Variants in ZFPM2 observed in about 807,000 individuals in gnomAD.
ZFPM2 encodes zinc finger protein, FOG family member 2, also known as zinc finger protein ZFPM2.
A neutral mutation model predicts 98.6 loss-of-function variants in ZFPM2; 20 were observed. The ratio of observed to expected loss-of-function variants is 0.20; its 90% CI spans 0.14 to 0.29. The LOEUF is 0.29. ZFPM2 is among the 10% of genes least tolerant of loss of function. The pLI is 1.00. For missense variants in ZFPM2, 1,310 were observed against 1,388.6 expected (o/e 0.94, Z 0.90); for synonymous variants, 518 against 502.7 (o/e 1.03, Z -0.41).
intron 4 of ZFPM2, among the ~76,000 whole-genome samples, chr8:105,626,719 T>G (rs2130826701): frequency 6.6e-6 from 1 of 152,270 alleles, no homozygotes; most frequent in East Asian, 1.9e-4. Flanking sequence ...GCTGAGAGAA[T>G]ATAAACAGCT....
chr8:105,378,057 T>C (rs1385426840), intron 1 of ZFPM2, among the ~76,000 whole-genome samples: 3 of 152,304 alleles, frequency 2.0e-5, no homozygotes. Context: ...TCAATGCATA[T>C]TATATGTCAC....
intron 4 of ZFPM2, among the ~76,000 whole-genome samples, chr8:105,582,890 C>G (rs1485847879): frequency 6.6e-6 from 1 of 152,112 alleles, no homozygotes; most frequent in Non-Finnish European, 1.5e-5. Flanking sequence ...CACCGTGCCC[C>G]TCCTGTTTTC....
At chr8:105,408,850 G>T (rs1361227394) in intron 1 of ZFPM2, among the ~76,000 whole-genome samples, 1 of 151,834 alleles carries the variant, frequency 6.6e-6, no homozygotes, top group African/African-American at 2.4e-5. Context: ...TTCTATCGTT[G>T]CCCTCACTTT....
At chr8:105,758,598 T>C (rs2131067354) in intron 5 of ZFPM2, among the ~76,000 whole-genome samples, 1 of 152,114 alleles carries the variant, frequency 6.6e-6, no homozygotes, top group Non-Finnish European at 1.5e-5. Flanking sequence ...AGTCATTTGA[T>C]TTTTTTTAAC....
rs1491459367 is a variant in ZFPM2, at chr8:105,593,653, A to AG, written c.420+32172_420+32173insG. ...TCTTCAGTGAGTATTCCATTCCAAG[A>AG]AAAAAAAAAAAAAAGGAAATTATCT... On this transcript the variant is annotated intron_variant, in intron 4 of 7. Transcript: ENST00000407775. Among the ~76,000 whole-genome samples, 404 of 92,580 alleles carry AG rather than the reference A, an allele frequency of 4.4e-3. 2 individuals carry two copies. The highest frequency in any genetic ancestry group is 0.014 in the African/African-American group (376 of 27,352). The allele number at this position is 92,580 out of a possible 152,430, so 60.7% of individuals were successfully genotyped here.
At chr8:105,529,372 G>A (rs748501397) in intron 3 of ZFPM2, among the ~76,000 whole-genome samples, 17 of 151,890 alleles carry the variant, frequency 1.1e-4, no homozygotes, top group Non-Finnish European at 1.8e-4. Context: ...ATAACACCAG[G>A]GGAATTTTGA....
intron 4 of ZFPM2, among the ~76,000 whole-genome samples, chr8:105,618,875 T>C (rs1816473145): frequency 6.6e-6 from 1 of 152,144 alleles, no homozygotes; most frequent in South Asian, 2.1e-4. Flanking sequence ...GCTGAGATAA[T>C]GAATATATGC....
intron 3 of ZFPM2, among the ~76,000 whole-genome samples, chr8:105,489,464 ATATTT>A (rs1310150769): frequency 1.0e-3 from 80 of 78,862 alleles, no homozygotes; most frequent in African/African-American, 4.9e-3. Flanking sequence ...ATATATATAT[ATATTT>A]TTTTTTTTTT....
At chr8:105,689,148 A>G (rs1473705488) in intron 5 of ZFPM2, among the ~76,000 whole-genome samples, 1 of 152,016 alleles carries the variant, frequency 6.6e-6, no homozygotes, top group East Asian at 1.9e-4. Flanking sequence ...TCCTATCTCA[A>G]TCACAATATA....
rs987733716 is a variant in ZFPM2 at position 105,325,306 on chromosome 8, G to A, written c.40+6325G>A. 2.6e-5 allele frequency among the ~76,000 whole-genome samples: 4 copies of A among 151,920 alleles called. No homozygotes were observed. The South Asian group carries it at 8.3e-4, about 32-fold the overall frequency. ...ATAAGCTCAGATGTGGCAATATTTG[G>A]CATTCTGGAAAGAACTATCTCTTTA... On this transcript the variant is annotated intron_variant, in intron 1 of 7. Transcript: ENST00000407775.
intron 3 of ZFPM2, among the ~76,000 whole-genome samples, chr8:105,520,641 G>A (rs1204230946): frequency 6.6e-6 from 1 of 152,056 alleles, no homozygotes; most frequent in Non-Finnish European, 1.5e-5. Context: ...ATGGTTGATT[G>A]TGATAAGCAT....
At chr8:105,672,699 T>C (rs528621665) in intron 5 of ZFPM2, among the ~76,000 whole-genome samples, 40 of 152,312 alleles carry the variant, frequency 2.6e-4, no homozygotes, top group African/African-American at 9.4e-4. Flanking sequence ...CTAATATTGC[T>C]GATAGCAGAT....
chr8:105,724,006 G>T (rs1222716634), intron 5 of ZFPM2, among the ~76,000 whole-genome samples: 1 of 151,440 alleles, frequency 6.6e-6, no homozygotes, highest in Non-Finnish European at 1.5e-5. Flanking sequence ...CCAAAACTCT[G>T]TCTAAAATTA....
intron 5 of ZFPM2, among the ~76,000 whole-genome samples, chr8:105,671,281 A>G (rs1298857484): frequency 2.0e-5 from 3 of 151,954 alleles, no homozygotes; most frequent in East Asian, 1.9e-4. Context: ...TGAACCTTCA[A>G]TATTTAAGTA....
Position 105,785,765 on chromosome 8 carries a change from G to A in ZFPM2, c.533-2953G>A, listed in dbSNP as rs116931052. On this transcript the variant is annotated intron_variant, in intron 5 of 7. Coordinates refer to ENST00000407775, the MANE Select transcript of ZFPM2 (RefSeq NM_012082.4). ...CAAAAAATATTTTAAAAAATTGGCC[G>A]GGCTTGGTGGCTCACGCCTGCAATC... Among the ~76,000 whole-genome samples, 270 of 152,048 alleles carry A rather than the reference G, an allele frequency of 1.8e-3. 3 individuals carry two copies. In the East Asian group the frequency reaches 0.043, roughly 24 times the overall value.
chr8:105,379,350 G>A (rs1376577194), intron 1 of ZFPM2, among the ~76,000 whole-genome samples: 1 of 152,148 alleles, frequency 6.6e-6, no homozygotes. Context: ...TAATTGGAAT[G>A]CAATTAGAAT....
At chr8:105,704,617 G>A (rs750286957) in intron 5 of ZFPM2, among the ~76,000 whole-genome samples, 27 of 152,190 alleles carry the variant, frequency 1.8e-4, no homozygotes, top group Non-Finnish European at 3.8e-4. Context: ...AAGAAAATAA[G>A]TAGCGGGTGT....
At chr8:105,696,701 T>A (rs1811026698) in intron 5 of ZFPM2, among the ~76,000 whole-genome samples, 1 of 152,226 alleles carries the variant, frequency 6.6e-6, no homozygotes, top group South Asian at 2.1e-4. Context: ...TTGGGAAAAC[T>A]TGGAAAGACA....
At chr8:105,694,290 CAAATTTTTTTAAGTTTCATTAT>C (rs1810966188) in intron 5 of ZFPM2, among the ~76,000 whole-genome samples, 1 of 151,932 alleles carries the variant, frequency 6.6e-6, no homozygotes, top group Admixed American at 6.6e-5. Context: ...CCAGCCTCTC[CAAATTTTTTTAAGTTTCATTAT>C]TTGCTTCATT....
Sources: allele counts gnomAD v4.1 joint callset (sites outside exome capture counted in the v4.1 genomes callset), GRCh38; gene constraint gnomAD v4.1.1; transcripts MANE v1.5; gene names NCBI Gene and HGNC (gene_info 2026-07-23, HGNC 2026-07-21).